Variants in MAPK8 observed in about 807,000 individuals in gnomAD.
MAPK8 encodes JUN N-terminal kinase.
Under a neutral mutation model 52.9 loss-of-function variants are expected in MAPK8, and 13 were observed. That is an observed-to-expected ratio of 0.25 (90% CI 0.16 to 0.39). The LOEUF is 0.39. Ranked by LOEUF, MAPK8 falls within the 10% of genes least tolerant of loss-of-function variation. The pLI, the probability that MAPK8 is intolerant of heterozygous loss-of-function variation, is 1.00. For missense variants in MAPK8, 300 were observed against 519.2 expected (o/e 0.58, Z 4.10); for synonymous variants, 191 against 169.8 (o/e 1.12, Z -0.97).
chr10:48,428,121 C>T (rs959745061), intron 10 of MAPK8, among the ~76,000 whole-genome samples: 2 of 152,134 alleles, frequency 1.3e-5, no homozygotes, highest in African/African-American at 2.4e-5. Flanking sequence ...TTGCCCTCAC[C>T]CTTGCCTACA....
intron 5 of MAPK8, among the ~76,000 whole-genome samples, chr10:48,410,790 C>T (rs1225849810): frequency 6.6e-6 from 1 of 152,158 alleles, no homozygotes; most frequent in Non-Finnish European, 1.5e-5. Flanking sequence ...CTTGTCAGTA[C>T]TTGTTATCTG....
intron 7 of MAPK8, chr10:48,424,387 C>T: frequency 1.5e-6 from 1 of 663,958 alleles, no homozygotes; most frequent in Non-Finnish European, 2.5e-6. Flanking sequence ...TTCACTGTCA[C>T]TCATTTTTAT....
At chr10:48,337,614 A>G (rs1844821229) in intron 1 of MAPK8, among the ~76,000 whole-genome samples, 1 of 152,156 alleles carries the variant, frequency 6.6e-6, no homozygotes, top group African/African-American at 2.4e-5. Context: ...TGCAGAACTA[A>G]ACAGAATTGA....
At chr10:48,397,511 G>T (rs761309202) in intron 1 of MAPK8, among the ~76,000 whole-genome samples, 3 of 152,158 alleles carry the variant, frequency 2.0e-5, no homozygotes, top group African/African-American at 7.2e-5. Flanking sequence ...AGTAGTTGCC[G>T]CAGGTAGACT....
At chr10:48,425,279 C>A (rs1163112461) in intron 7 of MAPK8, 4 of 691,358 alleles carry the variant, frequency 5.8e-6, no homozygotes, top group African/African-American at 3.6e-5. Context: ...GAAAGGAGAC[C>A]AAGAAATCCT....
intron 11 of MAPK8, among the ~76,000 whole-genome samples, chr10:48,434,567 C>G (rs947766034): frequency 6.6e-6 from 1 of 152,210 alleles, no homozygotes; most frequent in African/African-American, 2.4e-5. Flanking sequence ...CACACATACC[C>G]TGAAGCCCAT....
intron 3 of MAPK8, among the ~76,000 whole-genome samples, chr10:48,406,667 G>A (rs899981644): frequency 3.3e-5 from 5 of 152,188 alleles, no homozygotes; most frequent in Non-Finnish European, 5.9e-5. Flanking sequence ...GGATGTTTTT[G>A]TAGTGTTTTG....
intron 1 of MAPK8, among the ~76,000 whole-genome samples, chr10:48,353,341 TATAAAG>T (rs961717099): frequency 5.9e-5 from 9 of 152,296 alleles, no homozygotes; most frequent in African/African-American, 1.9e-4. Context: ...AATTTCGACT[TATAAAG>T]ATAGCATAAT....
At chr10:48,377,997 G>C (rs1397938732) in intron 1 of MAPK8, among the ~76,000 whole-genome samples, 1 of 152,158 alleles carries the variant, frequency 6.6e-6, no homozygotes, top group Non-Finnish European at 1.5e-5. Flanking sequence ...TACCTCAAGG[G>C]AGAATGAGGC....
intron 1 of MAPK8, among the ~76,000 whole-genome samples, chr10:48,317,964 A>G (rs1260541880): frequency 8.5e-6 from 1 of 117,182 alleles, no homozygotes; most frequent in Non-Finnish European, 1.7e-5. Context: ...AGCATTATTT[A>G]GCTGATTAGT....
intron 1 of MAPK8, chr10:48,307,110 C>A (rs1841436228): frequency 6.5e-6 from 1 of 152,802 alleles, no homozygotes; most frequent in South Asian, 2.1e-4. Context: ...TCGCGTGGGT[C>A]CTGCCTCCGC....
At chr10:48,322,096 T>A (rs1843053436) in intron 1 of MAPK8, among the ~76,000 whole-genome samples, 1 of 152,224 alleles carries the variant, frequency 6.6e-6, no homozygotes, top group Non-Finnish European at 1.5e-5. Flanking sequence ...TTAGAGGGTC[T>A]GTCTGTGAGT....
At chr10:48,307,859 G>A (rs976483916) in intron 1 of MAPK8, among the ~76,000 whole-genome samples, 9 of 152,150 alleles carry the variant, frequency 5.9e-5, no homozygotes, top group Non-Finnish European at 1.2e-4. Context: ...AGATGAAGAG[G>A]TTTGGTGTGA....
intron 7 of MAPK8, chr10:48,424,421 A>G (rs2043547722): frequency 2.5e-6 from 2 of 796,640 alleles, no homozygotes; most frequent in Non-Finnish European, 2.0e-6. Flanking sequence ...TTATAATTTT[A>G]AAGTATACAT....
At chr10:48,398,968 A>G (rs749846467) in intron 1 of MAPK8, among the ~76,000 whole-genome samples, 4 of 152,198 alleles carry the variant, frequency 2.6e-5, no homozygotes, top group South Asian at 2.1e-4. Context: ...AAACTCATCA[A>G]ATTGTACAGT....
intron 9 of MAPK8, chr10:48,426,853 A>G: frequency 2.0e-6 from 1 of 496,880 alleles, no homozygotes; most frequent in Non-Finnish European, 3.6e-6. Context: ...AAAATGTGGC[A>G]ATTTCAAGAG....
chr10:48,328,979 T>G (rs2132230658), intron 1 of MAPK8, among the ~76,000 whole-genome samples: 1 of 152,344 alleles, frequency 6.6e-6, no homozygotes, highest in East Asian at 1.9e-4. Context: ...GTTTCCAACT[T>G]TAGCTTCAGG....
chr10:48,412,731 A>G (rs553767024), intron 5 of MAPK8, among the ~76,000 whole-genome samples: 1 of 152,344 alleles, frequency 6.6e-6, no homozygotes, highest in African/African-American at 2.4e-5. Context: ...AGGTAGAGCC[A>G]AAGACTAGTT....
At chr10:48,355,161 A>T (rs1589047160) in intron 1 of MAPK8, among the ~76,000 whole-genome samples, 1 of 152,220 alleles carries the variant, frequency 6.6e-6, no homozygotes, top group Non-Finnish European at 1.5e-5. Context: ...GAGATTTTTT[A>T]AAAATAGCTA....
Sources: allele counts gnomAD v4.1 joint callset (sites outside exome capture counted in the v4.1 genomes callset), GRCh38; gene constraint gnomAD v4.1.1; transcripts MANE v1.5; gene names NCBI Gene and HGNC (gene_info 2026-07-23, HGNC 2026-07-21).